PRKDC: variants seen among roughly 807,000 people sequenced by gnomAD.
The protein encoded by PRKDC is protein kinase, DNA-activated, catalytic subunit.
PRKDC carries 82 observed loss-of-function variants against 486.9 expected under a neutral mutation model. The observed-to-expected ratio is 0.17, with a 90% CI of 0.14 to 0.20. The LOEUF (loss-of-function observed/expected upper bound fraction) is 0.20, where lower values mean the gene tolerates loss of function less well. PRKDC is among the 10% of genes least tolerant of loss of function. The pLI, the probability that PRKDC is intolerant of heterozygous loss-of-function variation, is 1.00. For missense variants in PRKDC, 4,504 were observed against 5,038.2 expected (o/e 0.89, Z 3.21); for synonymous variants, 1,895 against 1,837.0 (o/e 1.03, Z -0.81).
intron 40 of PRKDC, among the ~76,000 whole-genome samples, chr8:47,865,436 C>T (rs996286805): frequency 6.6e-6 from 1 of 151,912 alleles, no homozygotes; most frequent in East Asian, 1.9e-4. Context: ...TTTCTCCCTA[C>T]CAGTGAACCA....
At chr8:47,871,278 A>G (rs1250735730) in intron 40 of PRKDC, among the ~76,000 whole-genome samples, 2 of 152,188 alleles carry the variant, frequency 1.3e-5, no homozygotes, top group Admixed American at 6.5e-5. Context: ...AAACTACCTC[A>G]AGGCATTTAA....
chr8:47,820,976 G>A, intron 65 of PRKDC, 33 bp from the exon 66 acceptor site: 6 of 1,377,226 alleles, frequency 4.4e-6, no homozygotes, highest in Non-Finnish European at 5.9e-6. Context: ...TGTAACTACA[G>A]AAGGCCAATT....
chr8:47,930,740 T>C lies in PRKDC; in HGVS notation c.1824A>G (p.Pro608=). 6.3e-7 allele frequency: 1 copy of C among 1,591,944 alleles called. No individual in the cohort carries two copies. Among genetic ancestry groups the C allele is most frequent in the South Asian group, 1.2e-5 (1 of 86,882 alleles). ...GTTTAGCTGGATGCAAGTTAGCCGCTGGATCTGAAGTTGGGATCATCCAAA... is the reference window on the plus strand; with the variant it reads ...GTTTAGCTGGATGCAAGTTAGCCGCCGGATCTGAAGTTGGGATCATCCAAA... ...PGVWMIPTSD[P]AANLHPAKPK... Residue 608 remains proline (P), a synonymous_variant, in exon 17 of 86, where the codon CCA becomes CCG. Transcript: ENST00000314191.
chr8:47,803,243 A>G (rs1589707162), intron 70 of PRKDC, 63 bp downstream of exon 70: 1 of 1,457,278 alleles, frequency 6.9e-7, no homozygotes, highest in East Asian at 2.3e-5. Flanking sequence ...AAGAAGAGGA[A>G]GATACACAAG....
chr8:47,945,627 A>G (rs2090521067), intron 7 of PRKDC, among the ~76,000 whole-genome samples: 1 of 152,138 alleles, frequency 6.6e-6, no homozygotes, highest in African/African-American at 2.4e-5. Context: ...TCTACGTGCC[A>G]TATTTTGCTT....
chr8:47,915,505 C>G (rs2089970037), intron 22 of PRKDC, 87 bp from the exon 23 acceptor site: 2 of 763,038 alleles, frequency 2.6e-6, no homozygotes, highest in East Asian at 6.0e-5. Context: ...TTGCCACCCA[C>G]TTGGATGTCC....
At chr8:47,822,565 C>A (rs868075010) in intron 64 of PRKDC, among the ~76,000 whole-genome samples, 1 of 151,586 alleles carries the variant, frequency 6.6e-6, no homozygotes, top group African/African-American at 2.4e-5. Flanking sequence ...CCGAGGCGGG[C>A]GGATCACAAG....
At chr8:47,878,291 G>C (rs1296695651) in intron 39 of PRKDC, among the ~76,000 whole-genome samples, 1 of 152,086 alleles carries the variant, frequency 6.6e-6, no homozygotes, top group Non-Finnish European at 1.5e-5. Flanking sequence ...ATTTTTAGTA[G>C]AGACGGGGTT....
intron 32 of PRKDC, among the ~76,000 whole-genome samples, 190 bp from the exon 33 acceptor site, chr8:47,889,412 G>A (rs760293846): frequency 8.5e-5 from 13 of 152,216 alleles, no homozygotes; most frequent in Non-Finnish European, 7.3e-5. Flanking sequence ...CTCCTTACGC[G>A]TCTGATAAGA....
intron 36 of PRKDC, among the ~76,000 whole-genome samples, chr8:47,884,124 T>C (rs1333283250): frequency 2.0e-5 from 3 of 152,268 alleles, no homozygotes; most frequent in Admixed American, 6.5e-5. Flanking sequence ...CTTTTCCTGA[T>C]GGTATCCACA....
chr8:47,892,406 C>T (rs2089480863), intron 31 of PRKDC, among the ~76,000 whole-genome samples: 1 of 152,148 alleles, frequency 6.6e-6, no homozygotes, highest in Middle Eastern at 3.2e-3. Flanking sequence ...TCACGGCTCA[C>T]TGTAGCCTCA....
chr8:47,888,186 C>A (rs766694379), intron 34 of PRKDC, among the ~76,000 whole-genome samples: 4 of 152,176 alleles, frequency 2.6e-5, no homozygotes, highest in Non-Finnish European at 2.9e-5. Flanking sequence ...CTCAACCTTG[C>A]TTTCTATGCT....
intron 31 of PRKDC, among the ~76,000 whole-genome samples, chr8:47,891,157 C>G (rs951322631): frequency 6.6e-5 from 10 of 152,296 alleles, no homozygotes; most frequent in Admixed American, 6.5e-4. Flanking sequence ...CAGACCCACC[C>G]TCACCTCTCT....
At chr8:47,807,045 A>G (rs1449036022) in intron 69 of PRKDC, 92 bp downstream of exon 69, 4 of 1,267,816 alleles carry the variant, frequency 3.2e-6, no homozygotes, top group Non-Finnish European at 1.1e-6. Flanking sequence ...AATTATTTTA[A>G]GGTTCAGACT....
At chr8:47,845,941 A>C (rs997344590) in intron 54 of PRKDC, among the ~76,000 whole-genome samples, 1 of 152,236 alleles carries the variant, frequency 6.6e-6, no homozygotes, top group Admixed American at 6.5e-5. Context: ...ACGAAATACT[A>C]GCAAATTGAA....
chr8:47,868,050 G>A (rs181416298), intron 40 of PRKDC, among the ~76,000 whole-genome samples: 1 of 152,278 alleles, frequency 6.6e-6, no homozygotes, highest in African/African-American at 2.4e-5. Flanking sequence ...ATAGGTTATG[G>A]CGTATAATGT....
chr8:47,934,121 G>A, intron 14 of PRKDC, 31 bp from the exon 15 acceptor site: 1 of 1,583,252 alleles, frequency 6.3e-7, no homozygotes, highest in Non-Finnish European at 8.6e-7. Flanking sequence ...ACAATATGTA[G>A]TGATGGATTC....
At chr8:47,872,732 A>G (rs1172462894) in intron 40 of PRKDC, among the ~76,000 whole-genome samples, 11 of 152,212 alleles carry the variant, frequency 7.2e-5, no homozygotes, top group Admixed American at 7.2e-4. Flanking sequence ...ATTCAGCAAG[A>G]GGATATAACA....
chr8:47,951,862 C>T (rs531940536), intron 7 of PRKDC, among the ~76,000 whole-genome samples: 2 of 152,274 alleles, frequency 1.3e-5, no homozygotes, highest in East Asian at 1.9e-4. Flanking sequence ...AAAAGATGCA[C>T]AACCAACGTC....
Sources: gnomAD v4.1 joint callset for allele counts (sites outside exome capture counted in the v4.1 genomes callset) on GRCh38, gnomAD v4.1.1 for gene constraint, MANE v1.5 for transcripts, NCBI Gene and HGNC (gene_info 2026-07-23, HGNC 2026-07-21) for gene names.